Variants in CAMTA1 observed in about 807,000 individuals in gnomAD.
CAMTA1 encodes calmodulin-binding transcription activator 1.
CAMTA1 carries 27 observed loss-of-function variants against 170.9 expected under a neutral mutation model. That is an observed-to-expected ratio of 0.16 (90% CI 0.12 to 0.22). The LOEUF is 0.22. CAMTA1 is among the 10% of genes least tolerant of loss of function. The pLI is 1.00. For synonymous variants in CAMTA1, 833 were observed against 891.5 expected, an observed-to-expected ratio of 0.93 and a Z score of 1.17; for missense variants, 1,619 against 2,217.2, an observed-to-expected ratio of 0.73 and a Z score of 5.42.
intron 4 of CAMTA1, among the ~76,000 whole-genome samples, chr1:7,199,109 ACT>A (rs1481145660): frequency 1.3e-5 from 2 of 151,960 alleles, no homozygotes; most frequent in Non-Finnish European, 2.9e-5. Context: ...CGTGGTGGGT[ACT>A]GTCTCCATCT....
At position 6,869,556 on chromosome 1, in the gene CAMTA1, T is replaced by C. The variant is rs187224114; in HGVS notation, c.234+44346T>C. 1.6e-4 allele frequency among the ~76,000 whole-genome samples: 24 copies of C among 152,318 alleles called. No homozygotes were observed. In the East Asian group the frequency reaches 3.7e-3, roughly 23 times the overall value. On this transcript the variant is annotated intron_variant, in intron 3 of 22. Coordinates refer to ENST00000303635, the MANE Select transcript of CAMTA1 (RefSeq NM_015215.4). ...TGGCTTCTAGCCTTCTTTTTACTTATTAAATTATATTCCAGGTTCCTTGAC... is the reference window on the plus strand; with the variant it reads ...TGGCTTCTAGCCTTCTTTTTACTTACTAAATTATATTCCAGGTTCCTTGAC...
chr1:6,893,595 G>T (rs1675016263), intron 3 of CAMTA1, among the ~76,000 whole-genome samples: 1 of 152,194 alleles, frequency 6.6e-6, no homozygotes, highest in Admixed American at 6.5e-5. Context: ...AGCTTCACAT[G>T]CGCACTGAGG....
At chr1:7,127,123 G>T (rs1644981220) in intron 4 of CAMTA1, among the ~76,000 whole-genome samples, 1 of 152,122 alleles carries the variant, frequency 6.6e-6, no homozygotes, top group African/African-American at 2.4e-5. Flanking sequence ...GAGACAGGGG[G>T]CTGAGCCCGC....
At chr1:7,279,642 C>T (rs1671227809) in intron 5 of CAMTA1, among the ~76,000 whole-genome samples, 1 of 152,180 alleles carries the variant, frequency 6.6e-6, no homozygotes, top group Non-Finnish European at 1.5e-5. Context: ...TGGCCTCCGA[C>T]CCCATGCGGC....
intron 11 of CAMTA1, among the ~76,000 whole-genome samples, chr1:7,720,321 A>G (rs746851691): frequency 2.6e-5 from 4 of 151,884 alleles, no homozygotes; most frequent in Admixed American, 2.0e-4. Context: ...CAAATAGTCC[A>G]TTTTTCTCTT....
intron 7 of CAMTA1, among the ~76,000 whole-genome samples, chr1:7,658,811 G>A (rs146424880): frequency 7.9e-5 from 12 of 152,342 alleles, no homozygotes; most frequent in East Asian, 7.7e-4. Flanking sequence ...CCCCTGACCC[G>A]GGCCTTCCCT....
intron 3 of CAMTA1, among the ~76,000 whole-genome samples, chr1:7,060,341 C>T (rs930572014): frequency 7.9e-5 from 12 of 152,334 alleles, no homozygotes; most frequent in East Asian, 1.9e-4. Flanking sequence ...GCTGTGCACA[C>T]GGCTCCCTGA....
chr1:7,279,189 C>T (rs550989774), intron 5 of CAMTA1, among the ~76,000 whole-genome samples: 15 of 152,228 alleles, frequency 9.9e-5, no homozygotes, highest in South Asian at 6.2e-4. Flanking sequence ...AACCTGAGAA[C>T]GATGGGGCCC....
intron 3 of CAMTA1, chr1:6,886,297 G>C: frequency 2.2e-6 from 1 of 455,620 alleles, no homozygotes; most frequent in Non-Finnish European, 4.4e-6. Flanking sequence ...AAACAAGTCA[G>C]AAGCTGCTGT....
chr1:7,030,349 T>G (rs1385091704), intron 3 of CAMTA1, among the ~76,000 whole-genome samples: 1 of 152,222 alleles, frequency 6.6e-6, no homozygotes, highest in Non-Finnish European at 1.5e-5. Context: ...AAATATTGGT[T>G]CCCTGAGTTA....
intron 6 of CAMTA1, among the ~76,000 whole-genome samples, chr1:7,553,707 A>G (rs1262437941): frequency 6.6e-6 from 1 of 152,230 alleles, no homozygotes; most frequent in African/African-American, 2.4e-5. Flanking sequence ...AGACATCTCC[A>G]GGCAAAGTGT....
At chr1:7,335,159 G>GTGTGTGTGTGT (rs1362841684) in intron 5 of CAMTA1, among the ~76,000 whole-genome samples, 1 of 12,892 alleles carries the variant, frequency 7.8e-5, no homozygotes, top group African/African-American at 3.8e-4. Context: ...GGGGGGGGGT[G>GTGTGTGTGTGT]GGGGTGGGGG....
At chr1:7,151,192 G>A (rs1003829475) in intron 4 of CAMTA1, among the ~76,000 whole-genome samples, 4 of 152,194 alleles carry the variant, frequency 2.6e-5, no homozygotes, top group African/African-American at 2.4e-5. Context: ...GCTGGCGTTC[G>A]CGCCTGGCTC....
intron 5 of CAMTA1, among the ~76,000 whole-genome samples, chr1:7,373,008 G>A (rs1217743699): frequency 6.6e-6 from 1 of 152,216 alleles, no homozygotes; most frequent in Non-Finnish European, 1.5e-5. Context: ...CACCGTAGAA[G>A]CTCCACAGGT....
intron 11 of CAMTA1, among the ~76,000 whole-genome samples, chr1:7,688,011 C>CTTT (rs70987364): frequency 1.5e-4 from 16 of 103,278 alleles, no homozygotes; most frequent in South Asian, 3.4e-4. Flanking sequence ...CTCATTATTC[C>CTTT]TTTTTTTTTT....
intron 5 of CAMTA1, among the ~76,000 whole-genome samples, chr1:7,335,187 T>G (rs2149773912): frequency 4.8e-5 from 4 of 83,012 alleles, no homozygotes; most frequent in South Asian, 5.0e-4. Context: ...ACCCCGAGGC[T>G]ACCCTTCTGG....
intron 3 of CAMTA1, among the ~76,000 whole-genome samples, chr1:6,919,515 T>C (rs1291226274): frequency 6.6e-6 from 1 of 152,218 alleles, no homozygotes; most frequent in Non-Finnish European, 1.5e-5. Flanking sequence ...ATTTCAGAAA[T>C]GTCCACTTCT....
In CAMTA1 at chr1:7,647,027, G is replaced by A. The variant is rs562047860; in HGVS notation, c.664+6474G>A. Among the ~76,000 whole-genome samples the A allele has an allele frequency of 2.1e-3, 316 of 152,254 alleles. 2 individuals are homozygous for A. The highest frequency in any genetic ancestry group is 6.9e-3 in the African/African-American group (285 of 41,532). ...GGCCTCGGATGGGGTGGCTGCAAAC[G>A]GGCCCCTCATTGCTGAGCAGTGGCT... On this transcript the variant is annotated intron_variant, in intron 7 of 22. Coordinates refer to ENST00000303635, the MANE Select transcript of CAMTA1 (RefSeq NM_015215.4).
intron 5 of CAMTA1, among the ~76,000 whole-genome samples, chr1:7,317,303 A>C (rs956626281): frequency 6.6e-6 from 1 of 152,198 alleles, no homozygotes; most frequent in African/African-American, 2.4e-5. Context: ...GCAGCAGCTT[A>C]GGTTAGTTAG....
Sources: gnomAD v4.1 joint callset for allele counts (sites outside exome capture counted in the v4.1 genomes callset) on GRCh38, gnomAD v4.1.1 for gene constraint, MANE v1.5 for transcripts, NCBI Gene and HGNC (gene_info 2026-07-23, HGNC 2026-07-21) for gene names.